Variants in KAZN observed in about 807,000 individuals in gnomAD.
KAZN encodes kazrin, periplakin interacting protein.
In KAZN, 40 loss-of-function variants were observed where a neutral mutation model predicts 87.4. The observed-to-expected ratio is 0.46, with a 90% CI of 0.36 to 0.60. The LOEUF (loss-of-function observed/expected upper bound fraction) is 0.60. Among genes scored for constraint, KAZN ranks in the 20% least tolerant of loss-of-function variants. The pLI, the probability that KAZN is intolerant of heterozygous loss-of-function variation, is 0.00. For missense variants in KAZN, 898 were observed against 1,073.9 expected, an observed-to-expected ratio of 0.84 and a Z score of 2.29; for synonymous variants, 466 against 458.3, an observed-to-expected ratio of 1.02 and a Z score of -0.22.
chr1:14,754,893 C>T (rs979061630), intron 1 of KAZN, among the ~76,000 whole-genome samples: 5 of 151,964 alleles, frequency 3.3e-5, no homozygotes, highest in African/African-American at 1.2e-4. Context: ...CTTTCCCCCA[C>T]TTACAAAATG....
chr1:14,515,691 G>GT (rs1671262192), intron 2 of KAZN, among the ~76,000 whole-genome samples: 1 of 152,070 alleles, frequency 6.6e-6, no homozygotes, highest in Non-Finnish European at 1.5e-5. Context: ...CTTCATTGCT[G>GT]TTTTTTCTCA....
At chr1:14,924,291 C>G in intron 1 of KAZN, 1 of 984,042 alleles carries the variant, frequency 1.0e-6, no homozygotes, top group Non-Finnish European at 1.2e-6. Flanking sequence ...CGGCGACCTC[C>G]GGGTCTGTGA....
chr1:14,501,624 A>ATG (rs1670259612), intron 2 of KAZN, among the ~76,000 whole-genome samples: 1 of 152,216 alleles, frequency 6.6e-6, no homozygotes, highest in Non-Finnish European at 1.5e-5. Flanking sequence ...ACTACAAAAC[A>ATG]TGTTGATGGA....
intron 1 of KAZN, among the ~76,000 whole-genome samples, chr1:14,650,824 G>A (rs1638312764): frequency 6.6e-6 from 1 of 152,130 alleles, no homozygotes; most frequent in Admixed American, 6.5e-5. Context: ...CTGGGTTTCT[G>A]GACCATGTAA....
At chr1:14,009,338 T>C (rs1640180844) in intron 1 of KAZN, among the ~76,000 whole-genome samples, 1 of 152,192 alleles carries the variant, frequency 6.6e-6, no homozygotes, top group East Asian at 1.9e-4. Flanking sequence ...GTAGAATTGC[T>C]AGGTCATATG....
chr1:14,799,504 G>A (rs1369742788), intron 1 of KAZN, among the ~76,000 whole-genome samples: 1 of 152,192 alleles, frequency 6.6e-6, no homozygotes, highest in Admixed American at 6.5e-5. Context: ...GTAAATGAAT[G>A]GAAAAGTACC....
intron 2 of KAZN, among the ~76,000 whole-genome samples, chr1:14,188,194 C>CGTGTGTGT (rs3033865): frequency 0.068 from 9,497 of 139,992 alleles, 399 homozygotes; most frequent in Middle Eastern, 0.093. Context: ...GAGAGAGGAG[C>CGTGTGTGT]GTGTGTGTGT....
chr1:14,971,910 G>A (rs1413638817), intron 2 of KAZN, among the ~76,000 whole-genome samples: 3 of 152,050 alleles, frequency 2.0e-5, no homozygotes, highest in Non-Finnish European at 2.9e-5. Context: ...CCTCCTCCCA[G>A]TCTCGTCCTC....
intron 1 of KAZN, among the ~76,000 whole-genome samples, chr1:14,837,493 C>A (rs111879196): frequency 6.6e-6 from 1 of 152,026 alleles, no homozygotes; most frequent in Non-Finnish European, 1.5e-5. Flanking sequence ...GCCACTGTGC[C>A]TGGCCCATAC....
intron 1 of KAZN, among the ~76,000 whole-genome samples, chr1:14,867,371 C>T (rs1485890163): frequency 6.6e-6 from 1 of 152,134 alleles, no homozygotes; most frequent in East Asian, 1.9e-4. Flanking sequence ...TTAGACCAGG[C>T]ACCAAAATAG....
chr1:14,365,283 A>C (rs1438066196), intron 2 of KAZN, among the ~76,000 whole-genome samples: 1 of 150,490 alleles, frequency 6.6e-6, no homozygotes, highest in African/African-American at 2.4e-5. Context: ...TCCTGACCTC[A>C]TGATCCGCCC....
intron 1 of KAZN, among the ~76,000 whole-genome samples, chr1:14,131,253 C>T (rs10754909): frequency 0.57 from 86,845 of 151,996 alleles, 26,056 homozygotes; most frequent in East Asian, 0.76. Context: ...CTCTCAACAC[C>T]GGGGATTACA....
intron 1 of KAZN, among the ~76,000 whole-genome samples, chr1:14,014,731 C>A (rs1640482135): frequency 6.6e-6 from 1 of 152,180 alleles, no homozygotes; most frequent in African/African-American, 2.4e-5. Context: ...CAGTGTCTAA[C>A]AGAAAAAGTA....
chr1:14,994,162 C>G (rs1023069681), intron 2 of KAZN, among the ~76,000 whole-genome samples: 2 of 152,170 alleles, frequency 1.3e-5, no homozygotes, highest in African/African-American at 4.8e-5. Flanking sequence ...TGAATTGGGT[C>G]GGGCCATGGG....
intron 1 of KAZN, among the ~76,000 whole-genome samples, chr1:14,141,631 A>C (rs1190902381): frequency 1.3e-5 from 2 of 152,146 alleles, no homozygotes; most frequent in Non-Finnish European, 1.5e-5. Context: ...CCTGAAAGCC[A>C]ATTTGCTTTC....
At chr1:14,159,200 T>C (rs10803468) in intron 1 of KAZN, among the ~76,000 whole-genome samples, 17,565 of 152,168 alleles carry the variant, frequency 0.12, 1,132 homozygotes, top group East Asian at 0.33. Context: ...AGGTGATGAG[T>C]TCCCCCAGGC....
At chr1:14,101,797 G>T (rs1331301510) in intron 1 of KAZN, among the ~76,000 whole-genome samples, 1 of 152,180 alleles carries the variant, frequency 6.6e-6, no homozygotes. Context: ...TCTTAAACAG[G>T]ATAAACATCT....
Position 14,422,987 on chromosome 1 carries a change from T to C in KAZN, c.250-175996T>C, listed in dbSNP as rs148960558. Among the ~76,000 whole-genome samples the C allele has an allele frequency of 2.6e-5, 4 of 152,386 alleles. No individual in the cohort carries two copies. In the East Asian group the frequency reaches 5.8e-4, roughly 22 times the overall value. On this transcript the variant is annotated intron_variant, in intron 2 of 16. Coordinates refer to the KAZN transcript ENST00000636203. ...TGTAGCAGCCCTTTGTCCACAGCAA[T>C]AGTTTATTAACTTTTAAGAACAGTG... is the stretch of plus-strand genomic sequence containing the variant.
intron 1 of KAZN, among the ~76,000 whole-genome samples, chr1:14,719,423 C>T (rs1204279468): frequency 6.6e-6 from 1 of 152,114 alleles, no homozygotes; most frequent in Non-Finnish European, 1.5e-5. Flanking sequence ...TGGACTGTGT[C>T]CAGTGGTCTG....
Sources: allele counts gnomAD v4.1 joint callset (sites outside exome capture counted in the v4.1 genomes callset), GRCh38; gene constraint gnomAD v4.1.1; transcripts MANE v1.5; gene names NCBI Gene and HGNC (gene_info 2026-07-23, HGNC 2026-07-21).